COL24A1: variants seen among roughly 807,000 people sequenced by gnomAD.
COL24A1 encodes collagen type XXIV alpha 1 chain.
Under a neutral mutation model 253.9 loss-of-function variants are expected in COL24A1, and 224 were observed. The ratio of observed to expected loss-of-function variants is 0.88; its 90% CI spans 0.79 to 0.99. The LOEUF is 0.99. Among genes scored for constraint, COL24A1 ranks in the 50% least tolerant of loss-of-function variants. The pLI, the probability that COL24A1 is intolerant of heterozygous loss-of-function variation, is 0.00. For synonymous variants in COL24A1, 685 were observed against 673.7 expected, an observed-to-expected ratio of 1.02 and a Z score of -0.26; for missense variants, 2,131 against 2,068.5, an observed-to-expected ratio of 1.03 and a Z score of -0.59.
intron 55 of COL24A1, among the ~76,000 whole-genome samples, chr1:85,748,100 T>A (rs980971124): frequency 3.9e-5 from 6 of 152,256 alleles, no homozygotes; most frequent in African/African-American, 7.2e-5. Flanking sequence ...GATAAATACA[T>A]GTTTTCCCTA....
intron 28 of COL24A1, among the ~76,000 whole-genome samples, chr1:85,903,093 T>A (rs2102862584): frequency 6.6e-6 from 1 of 152,026 alleles, no homozygotes. Context: ...CTTAGAAAAA[T>A]ACTTTTACTT....
At position 86,110,455 on chromosome 1, in the gene COL24A1, G is replaced by A. The variant is rs868784466; in HGVS notation, c.1599+2112C>T. On this transcript the variant is annotated intron_variant, in intron 5 of 59. Transcript: ENST00000370571. ...CTTCTTGGCCTCAGCGTCCACTCTGGCCGCGCTTGAGGAGCCCTTCAGCCT... is the reference window on the plus strand; with the variant it reads ...CTTCTTGGCCTCAGCGTCCACTCTGACCGCGCTTGAGGAGCCCTTCAGCCT... Among the ~76,000 whole-genome samples the A allele has an allele frequency of 1.2e-4, 18 of 152,158 alleles. No individual in the cohort carries two copies. The Middle Eastern group carries it at 0.01, about 86-fold the overall frequency.
chr1:86,142,562 T>C (rs1041608350), intron 2 of COL24A1, among the ~76,000 whole-genome samples: 2 of 150,640 alleles, frequency 1.3e-5, no homozygotes, highest in Non-Finnish European at 3.0e-5. Context: ...AAAAACAATT[T>C]AAACACAGAA....
Position 86,089,199 on chromosome 1 carries a change from C to T in COL24A1, c.1682G>A (p.Gly561Asp), listed in dbSNP as rs762150921. ...KGDQGLSGLM[G>D]PPGMQGDKGL... ...CTTATCACCTTGCATACCAGGGGGGCCCATTAATCCAGAAAGGCCTTGATC... is the reference window on the plus strand; with the variant it reads ...CTTATCACCTTGCATACCAGGGGGGTCCATTAATCCAGAAAGGCCTTGATC... The change falls in exon 7 of 60, where the codon GGC (glycine) becomes GAC (aspartate). Residue 561 changes from glycine (G) to aspartate (D), a missense_variant. Coordinates refer to ENST00000370571, the MANE Select transcript of COL24A1 (RefSeq NM_152890.7). 32 of 1,585,310 alleles carry T rather than the reference C, an allele frequency of 2.0e-5. No individual in the cohort carries two copies. The highest frequency in any genetic ancestry group is 2.5e-5 in the Non-Finnish European group (29 of 1,172,376).
chr1:86,025,232 G>C (rs1697913366), intron 14 of COL24A1, among the ~76,000 whole-genome samples: 1 of 152,086 alleles, frequency 6.6e-6, no homozygotes, highest in Admixed American at 6.6e-5. Context: ...TCTTCCATAA[G>C]AACATGGAAC....
intron 52 of COL24A1, among the ~76,000 whole-genome samples, chr1:85,776,660 T>C (rs1475892807): frequency 1.3e-5 from 2 of 151,966 alleles, no homozygotes; most frequent in East Asian, 3.8e-4. Context: ...TTGCTATTAT[T>C]AGACTTTTTG....
intron 19 of COL24A1, among the ~76,000 whole-genome samples, chr1:85,997,561 G>T (rs1694949832): frequency 6.6e-6 from 1 of 152,042 alleles, no homozygotes; most frequent in Non-Finnish European, 1.5e-5. Flanking sequence ...AACTTGGGTG[G>T]ATCACAAGGT....
intron 18 of COL24A1, among the ~76,000 whole-genome samples, chr1:86,021,410 A>G (rs1164390436): frequency 6.6e-6 from 1 of 152,142 alleles, no homozygotes; most frequent in African/African-American, 2.4e-5. Flanking sequence ...AGCTAAACGC[A>G]TGAGCTCTGA....
chr1:85,786,450 G>A lies in COL24A1; in HGVS notation c.3963C>T (p.Gly1321=), dbSNP rs531923940. The change falls in exon 48 of 60, where the codon GGC becomes GGT. Residue 1321 remains glycine, a synonymous_variant. Transcript: ENST00000370571. ...CAGCAAGACCTGTTCTTCCTGGGCC[G>A]CCTCTGATGCCCTAAATAACACAGA... ...PGKQGLPGIR[G]GPGRTGLAGA... 2.4e-5 allele frequency: 39 copies of A among 1,613,002 alleles called. No individual in the cohort carries two copies. Among genetic ancestry groups the A allele is most frequent in the East Asian group, 1.3e-4 (6 of 44,838 alleles).
chr1:86,042,224 G>GA (rs1171719170), intron 12 of COL24A1, among the ~76,000 whole-genome samples: 3 of 151,806 alleles, frequency 2.0e-5, no homozygotes, highest in African/African-American at 4.8e-5. Flanking sequence ...ATACAAGGAA[G>GA]AAAAAAAACA....
chr1:85,764,800 C>T lies in COL24A1; in HGVS notation c.4375-3234G>A, dbSNP rs192526290. 3.0e-4 allele frequency among the ~76,000 whole-genome samples: 46 copies of T among 151,986 alleles called. No individual in the cohort carries two copies. In the East Asian group the frequency reaches 4.8e-3, roughly 16 times the overall value. On this transcript the variant is annotated intron_variant, in intron 53 of 59. Coordinates refer to ENST00000370571, the MANE Select transcript of COL24A1 (RefSeq NM_152890.7). ...TTAATTTTTAAATTTTCTTTAAAGA[C>T]GGGAGTCTTGCTATGCTACCCAAGC...
At chr1:86,139,130 ATGT>A (rs1349425772) in intron 2 of COL24A1, among the ~76,000 whole-genome samples, 6 of 145,200 alleles carry the variant, frequency 4.1e-5, no homozygotes, top group Non-Finnish European at 9.1e-5. Flanking sequence ...AGCAGCACTG[ATGT>A]TGTTATCACA....
intron 7 of COL24A1, among the ~76,000 whole-genome samples, chr1:86,084,393 C>T (rs950565774): frequency 4.6e-5 from 7 of 152,236 alleles, no homozygotes; most frequent in African/African-American, 1.7e-4. Context: ...CCTCTCTATT[C>T]TGTCCACCTT....
chr1:85,916,592 G>A (rs997027935), intron 24 of COL24A1, among the ~76,000 whole-genome samples: 1 of 152,140 alleles, frequency 6.6e-6, no homozygotes, highest in African/African-American at 2.4e-5. Context: ...AAGCTGAGGT[G>A]TGAGGATCGC....
intron 24 of COL24A1, among the ~76,000 whole-genome samples, chr1:85,943,291 G>A (rs1378099350): frequency 6.6e-6 from 1 of 152,178 alleles, no homozygotes; most frequent in East Asian, 1.9e-4. Flanking sequence ...CCAAGCTACT[G>A]GCATCCCAGG....
chr1:86,145,014 CAT>C (rs1160058390), intron 2 of COL24A1, among the ~76,000 whole-genome samples: 1 of 152,070 alleles, frequency 6.6e-6, no homozygotes, highest in Non-Finnish European at 1.5e-5. Context: ...TTACATGTGA[CAT>C]GTGGCTTAAT....
chr1:85,964,437 T>C (rs111754492), intron 23 of COL24A1, among the ~76,000 whole-genome samples: 3 of 152,244 alleles, frequency 2.0e-5, no homozygotes, highest in Non-Finnish European at 2.9e-5. Context: ...GACTTAGTAA[T>C]GTTATAGAAA....
Position 85,860,194 on chromosome 1 carries a change from T to C in COL24A1, c.3300+8325A>G, listed in dbSNP as rs542860861. 2.0e-5 allele frequency among the ~76,000 whole-genome samples: 3 copies of C among 152,350 alleles called. 1 individual carries two copies. The highest frequency in any genetic ancestry group is 4.1e-4 in the South Asian group (2 of 4,834). The stretch of plus-strand genomic sequence containing the variant: ...ATAGTTACATGATACTATATACTCA[T>C]ACATGATATCCACGTATCATGTATA... On this transcript the variant is annotated intron_variant, in intron 37 of 59. Coordinates refer to ENST00000370571, the MANE Select transcript of COL24A1 (RefSeq NM_152890.7).
intron 4 of COL24A1, among the ~76,000 whole-genome samples, chr1:86,113,441 T>C (rs891162208): frequency 3.9e-5 from 6 of 152,212 alleles, no homozygotes; most frequent in Non-Finnish European, 7.3e-5. Context: ...ATTTGTCTTT[T>C]TAATTCTGAA....
Sources: gnomAD v4.1 joint callset for allele counts (sites outside exome capture counted in the v4.1 genomes callset) on GRCh38, gnomAD v4.1.1 for gene constraint, MANE v1.5 for transcripts, NCBI Gene and HGNC (gene_info 2026-07-23, HGNC 2026-07-21) for gene names.